NME5: variants seen among roughly 807,000 people sequenced by gnomAD.
The protein encoded by NME5 is NME/NM23 family member 5.
In NME5, 18 loss-of-function variants were observed where a neutral mutation model predicts 21.6. The ratio of observed to expected loss-of-function variants is 0.83; its 90% CI spans 0.58 to 1.24. NME5 has a LOEUF of 1.24. Among genes scored for constraint, NME5 ranks in the 50% most tolerant of loss-of-function variants. The pLI is 0.00. For missense variants in NME5, 223 were observed against 255.4 expected, an observed-to-expected ratio of 0.87 and a Z score of 0.86; for synonymous variants, 70 against 80.6, an observed-to-expected ratio of 0.87 and a Z score of 0.71.
At position 138,115,770 on chromosome 5, in the gene NME5, G is replaced by GA; in HGVS notation, c.556-7_556-6insT. On this transcript the variant is annotated splice_region_variant and splice_polypyrimidine_tract_variant and intron_variant, in intron 5 of 5. Transcript: ENST00000265191. ...AGCCAATCAGCTAGCCAAATCTATG[G>GA]GAAAAAAAAAAACAACCTAAGTTAA... 2 of 1,549,004 alleles carry GA rather than the reference G, an allele frequency of 1.3e-6. No homozygotes were observed. Among genetic ancestry groups the GA allele is most frequent in the Non-Finnish European group, 1.7e-6 (2 of 1,155,024 alleles).
chr5:138,130,151 C>T (rs1416424597), intron 2 of NME5, among the ~76,000 whole-genome samples: 1 of 152,198 alleles, frequency 6.6e-6, no homozygotes, highest in Non-Finnish European at 1.5e-5. Context: ...GGCACAGTGG[C>T]CCATGCCTAT....
chr5:138,127,304 A>T, intron 4 of NME5: 1 of 285,884 alleles, frequency 3.5e-6, no homozygotes, highest in Non-Finnish European at 5.2e-6. Context: ...GTAACAGATC[A>T]AGTATTCAAA....
At chr5:138,124,288 C>G (rs1051154399) in intron 4 of NME5, among the ~76,000 whole-genome samples, 2 of 151,990 alleles carry the variant, frequency 1.3e-5, no homozygotes, top group African/African-American at 4.8e-5. Context: ...CAGGCGTGAG[C>G]CACCACACCC....
chr5:138,126,718 C>A (rs1304517089), intron 4 of NME5, among the ~76,000 whole-genome samples: 1 of 151,492 alleles, frequency 6.6e-6, no homozygotes, highest in African/African-American at 2.4e-5. Flanking sequence ...GAGGTAGAGG[C>A]AGCAGTATTG....
At position 138,133,059 on chromosome 5, in the gene NME5, C is replaced by A. The variant is rs577467276; in HGVS notation, c.130-3591G>T. Among the ~76,000 whole-genome samples, 4 of 151,954 alleles carry A rather than the reference C, an allele frequency of 2.6e-5. No homozygotes were observed. In the South Asian group the frequency reaches 8.3e-4, roughly 32 times the overall value. On this transcript the variant is annotated intron_variant, in intron 2 of 5. Transcript: ENST00000265191. Reference sequence around the variant, plus strand: ...GGGGAACCTACCTTCTGCAGGTATGCCAGCCAATGTAGCACAATTTTTAAA... The same window carrying A: ...GGGGAACCTACCTTCTGCAGGTATGACAGCCAATGTAGCACAATTTTTAAA...
At chr5:138,132,608 T>A (rs1377747830) in intron 2 of NME5, among the ~76,000 whole-genome samples, 2 of 152,194 alleles carry the variant, frequency 1.3e-5, no homozygotes, top group Non-Finnish European at 2.9e-5. Context: ...GTAACTCACC[T>A]CTTAAAGCCC....
chr5:138,138,494 CT>C, intron 2 of NME5, 157 bp downstream of exon 2: 1 of 601,590 alleles, frequency 1.7e-6, no homozygotes. Context: ...ATTTTACATC[CT>C]TTTAAAAACT....
intron 4 of NME5, 104 bp downstream of exon 4, chr5:138,128,375 G>A (rs1349209000): frequency 5.7e-6 from 5 of 883,260 alleles, no homozygotes; most frequent in Non-Finnish European, 8.7e-6. Flanking sequence ...AAAATATACT[G>A]GAAAAAAAAT....
chr5:138,136,760 A>G (rs1751707165), intron 2 of NME5, among the ~76,000 whole-genome samples: 1 of 152,002 alleles, frequency 6.6e-6, no homozygotes, highest in African/African-American at 2.4e-5. Flanking sequence ...CTCCTGCCTC[A>G]GCCTGCTGAG....
intron 2 of NME5, 67 bp downstream of exon 2, chr5:138,138,585 T>A (rs1032896224): frequency 7.6e-6 from 11 of 1,455,882 alleles, no homozygotes; most frequent in Non-Finnish European, 1.0e-5. Context: ...GTAGGCACAT[T>A]TACATAAGCA....
At chr5:138,124,914 TTTTA>T (rs377465267) in intron 4 of NME5, among the ~76,000 whole-genome samples, 7 of 152,094 alleles carry the variant, frequency 4.6e-5, no homozygotes, top group African/African-American at 9.7e-5. Context: ...CTCATCCTTG[TTTTA>T]TTTATTTATT....
chr5:138,118,832 G>T lies in NME5; in HGVS notation c.541C>A (p.Pro181Thr), dbSNP rs752265897. 1.2e-6 allele frequency: 2 copies of T among 1,605,014 alleles called. No homozygotes were observed. Among genetic ancestry groups the T allele is most frequent in the Non-Finnish European group, 1.7e-6 (2 of 1,171,956 alleles). The change falls in exon 5 of 6, where the codon CCA becomes ACA. Residue 181 changes from proline (P) to threonine (T), a missense_variant. Pro to Thr is a conservative substitution (Grantham distance 38). Transcript: ENST00000265191. ...EGLTELCKQK[P>T]ADPLIWLADW... ...ATATTTCTTACCAAAGGATCTGCTG[G>T]TTTTTGCTTACAAAGCTCTGTGAGT...
chr5:138,136,480 C>T (rs904104523), intron 2 of NME5, among the ~76,000 whole-genome samples: 8 of 152,048 alleles, frequency 5.3e-5, no homozygotes, highest in African/African-American at 1.9e-4. Context: ...CATTTTTCTA[C>T]TAATTTATTT....
chr5:138,125,873 C>T (rs1160132859), intron 4 of NME5, among the ~76,000 whole-genome samples: 1 of 152,188 alleles, frequency 6.6e-6, no homozygotes, highest in Admixed American at 6.6e-5. Context: ...TTCAGCCTCC[C>T]AAAGTGTTGT....
chr5:138,131,113 T>G (rs1480475519), intron 2 of NME5, among the ~76,000 whole-genome samples: 2 of 144,620 alleles, frequency 1.4e-5, no homozygotes, highest in Non-Finnish European at 3.0e-5. Context: ...ACGCCTGTAA[T>G]CCCAGCACTT....
chr5:138,124,882 C>T (rs780587908), intron 4 of NME5, among the ~76,000 whole-genome samples: 1 of 152,010 alleles, frequency 6.6e-6, no homozygotes, highest in Non-Finnish European at 1.5e-5. Flanking sequence ...CATGGATGAA[C>T]TTTAAGTTTT....
rs556071322 is a variant in NME5 at position 138,129,879 on chromosome 5, C to T, written c.130-411G>A. ...GGCTGAGGCAGAAGATTTGCTTGAA[C>T]CCGGGAGGCGGAGGTTGCAGGGAGC... On this transcript the variant is annotated intron_variant, in intron 2 of 5. Transcript: ENST00000265191. 9.3e-4 allele frequency among the ~76,000 whole-genome samples: 141 copies of T among 152,260 alleles called. 2 individuals are homozygous for T. Among genetic ancestry groups the T allele is most frequent in the Non-Finnish European group, 1.5e-5 (1 of 68,012 alleles).
intron 2 of NME5, among the ~76,000 whole-genome samples, chr5:138,136,037 A>G (rs975994166): frequency 1.3e-5 from 2 of 152,214 alleles, no homozygotes; most frequent in African/African-American, 4.8e-5. Flanking sequence ...ATATTATGCA[A>G]TTTGATGGGT....
At chr5:138,127,160 G>A (rs559635391) in intron 4 of NME5, among the ~76,000 whole-genome samples, 4 of 152,120 alleles carry the variant, frequency 2.6e-5, no homozygotes, top group African/African-American at 9.6e-5. Context: ...AAGAATCAGG[G>A]ACTTTTCAGA....
Sources: allele counts gnomAD v4.1 joint callset (sites outside exome capture counted in the v4.1 genomes callset), GRCh38; gene constraint gnomAD v4.1.1; transcripts MANE v1.5; gene names NCBI Gene and HGNC (gene_info 2026-07-23, HGNC 2026-07-21).